The following MEI4 variants were observed in gnomAD, a reference collection of about 807,000 sequenced individuals.
MEI4 encodes the protein meiotic double-stranded break formation protein 4.
MEI4 carries 27 observed loss-of-function variants against 31.4 expected under a neutral mutation model. The observed-to-expected ratio is 0.86, with a 90% CI of 0.63 to 1.19. The LOEUF (loss-of-function observed/expected upper bound fraction) is 1.19. Ranked by LOEUF, MEI4 falls within the 50% of genes most tolerant of loss-of-function variation. The pLI, the probability that MEI4 is intolerant of heterozygous loss-of-function variation, is 0.00. For missense variants in MEI4, 329 were observed against 398.9 expected (o/e 0.82, Z 1.49); for synonymous variants, 122 against 145.4 (o/e 0.84, Z 1.16).
Position 77,923,109 on chromosome 6 carries a change from G to A in MEI4, c.921G>A (p.Val307=). The change falls in exon 5 of 5, where the codon GTG becomes GTA. Residue 307 remains valine (V), a synonymous_variant. Coordinates refer to ENST00000684080, the MANE Select transcript of MEI4 (RefSeq NM_001322247.2). ...TGTAGGAGCAAGCCAGTTATGATGT[G>A]TCACGCTATGAAAACATTTTCTACC... is the stretch of plus-strand genomic sequence containing the variant. ...AINQEQASYD[V]SRYENIFYLF... is the part of the protein sequence containing the mutation. 1 of 1,230,230 alleles carries A rather than the reference G, an allele frequency of 8.1e-7. No homozygotes were observed. The highest frequency in any genetic ancestry group is 1.0e-6 in the Non-Finnish European group (1 of 986,606). The allele number at this position is 1,230,230 out of a possible 1,614,324, so 76.2% of individuals were successfully genotyped here.
chr6:77,711,651 C>T (rs868170564), intron 2 of MEI4, among the ~76,000 whole-genome samples: 6 of 152,078 alleles, frequency 3.9e-5, no homozygotes, highest in Non-Finnish European at 7.4e-5. Context: ...TTGGGCTCTT[C>T]GAGGTAATCT....
intron 4 of MEI4, among the ~76,000 whole-genome samples, chr6:77,890,846 C>T (rs914476668): frequency 1.3e-5 from 2 of 152,128 alleles, no homozygotes; most frequent in African/African-American, 4.8e-5. Flanking sequence ...TTATAAGGGG[C>T]TTTTCCTCCT....
rs117100491 is a variant in MEI4, at chr6:77,792,435, G to C, written c.768+30770G>C. 5.1e-4 allele frequency among the ~76,000 whole-genome samples: 77 copies of C among 152,030 alleles called. No homozygotes were observed. In the East Asian group the frequency reaches 9.1e-3, roughly 18 times the overall value. On this transcript the variant is annotated intron_variant, in intron 3 of 4. Transcript: ENST00000684080. ...TACACTCACACCAGCAGTGTACAAGGGTTTCATTTTCTGCAAATTCTTGCC... is the reference window on the plus strand; with the variant it reads ...TACACTCACACCAGCAGTGTACAAGCGTTTCATTTTCTGCAAATTCTTGCC...
chr6:77,678,930 C>T (rs933270167), intron 1 of MEI4, among the ~76,000 whole-genome samples: 6 of 148,862 alleles, frequency 4.0e-5, no homozygotes, highest in Non-Finnish European at 7.4e-5. Flanking sequence ...TAGTTTTTAA[C>T]AAAAATGTTT....
chr6:77,843,026 T>C (rs1422114907), intron 4 of MEI4, among the ~76,000 whole-genome samples: 1 of 151,626 alleles, frequency 6.6e-6, no homozygotes, highest in Non-Finnish European at 1.5e-5. Flanking sequence ...ATATATAATC[T>C]ATTCCAAAAA....
In MEI4 at chr6:77,686,875, C is replaced by CTTTT. The variant is rs70974681; in HGVS notation, c.-14-3777_-14-3774dup. 7.7e-3 allele frequency among the ~76,000 whole-genome samples: 1,023 copies of CTTTT among 132,534 alleles called. 21 individuals are homozygous for CTTTT. Among genetic ancestry groups the CTTTT allele is most frequent in the African/African-American group, 0.025 (963 of 38,830 alleles). The allele number at this position is 132,534 out of a possible 152,430, so 86.9% of individuals were successfully genotyped here. On this transcript the variant is annotated intron_variant, in intron 1 of 4. Coordinates refer to ENST00000684080, the MANE Select transcript of MEI4 (RefSeq NM_001322247.2). ...TCTTGAATAGGAATGGTCTGTGGCTCTTTTTTTTTGTAGATGTTTCATCAG... is the reference window on the plus strand; with the variant it reads ...TCTTGAATAGGAATGGTCTGTGGCTCTTTTTTTTTTTTTGTAGATGTTTCATCAG...
chr6:77,707,281 G>A (rs1402508482), intron 2 of MEI4, among the ~76,000 whole-genome samples: 1 of 152,132 alleles, frequency 6.6e-6, no homozygotes. Context: ...CATGCCCTAC[G>A]GATCTGTGGA....
At chr6:77,762,036 C>G (rs1246733869) in intron 3 of MEI4, among the ~76,000 whole-genome samples, 1 of 152,198 alleles carries the variant, frequency 6.6e-6, no homozygotes, top group East Asian at 1.9e-4. Context: ...GTTTTCCAAA[C>G]TTAACGTCTG....
chr6:77,716,805 T>C (rs1176279509), intron 2 of MEI4: 3 of 856,994 alleles, frequency 3.5e-6, no homozygotes, highest in South Asian at 5.3e-5. Flanking sequence ...CATGTTGTCA[T>C]GTGGAAGTTG....
chr6:77,907,989 TG>T (rs1171180088), intron 4 of MEI4, among the ~76,000 whole-genome samples: 1 of 126,502 alleles, frequency 7.9e-6, no homozygotes, highest in Admixed American at 8.1e-5. Flanking sequence ...CACTTGTTGA[TG>T]GGGTTTTTTT....
At chr6:77,796,788 C>T (rs1769088986) in intron 3 of MEI4, among the ~76,000 whole-genome samples, 1 of 152,134 alleles carries the variant, frequency 6.6e-6, no homozygotes, top group South Asian at 2.1e-4. Context: ...GATTCAGTGC[C>T]ATCCACATTA....
chr6:77,763,821 CT>C (rs910699700), intron 3 of MEI4, among the ~76,000 whole-genome samples: 17 of 149,274 alleles, frequency 1.1e-4, no homozygotes, highest in African/African-American at 7.3e-5. Flanking sequence ...TGTTGGGAGA[CT>C]TTTTTTTTTC....
intron 3 of MEI4, among the ~76,000 whole-genome samples, chr6:77,788,054 T>G (rs963230685): frequency 6.6e-6 from 1 of 152,182 alleles, no homozygotes; most frequent in Admixed American, 6.5e-5. Context: ...TTCTATTGAT[T>G]GGAATAGTTT....
Position 77,841,333 on chromosome 6 carries a change from A to ATATATATATTTTTTT in MEI4, c.900+12272_900+12273insATATATATTTTTTTT. Reference sequence around the variant, plus strand: ...TGTGTGCATATATATATATATATATATTTTTTTTTTTTTTTTTTTTTTTGA... The same window carrying ATATATATATTTTTTT: ...TGTGTGCATATATATATATATATATATATATATATTTTTTTTTTTTTTTTTTTTTTTTTTTTTTGA... On this transcript the variant is annotated intron_variant, in intron 4 of 4. Coordinates refer to ENST00000684080, the MANE Select transcript of MEI4 (RefSeq NM_001322247.2). Among the ~76,000 whole-genome samples, 95 of 27,734 alleles carry ATATATATATTTTTTT rather than the reference A, an allele frequency of 3.4e-3. 8 individuals are homozygous for ATATATATATTTTTTT. Among genetic ancestry groups the ATATATATATTTTTTT allele is most frequent in the African/African-American group, 4.9e-3 (15 of 3,074 alleles). 18.2% of individuals were successfully genotyped at this position (27,734 alleles called of 152,430 possible).
chr6:77,749,902 C>G (rs996539517), intron 2 of MEI4, among the ~76,000 whole-genome samples: 1 of 152,158 alleles, frequency 6.6e-6, no homozygotes, highest in East Asian at 1.9e-4. Context: ...AGAAGCCCAC[C>G]AGACTAACAG....
chr6:77,686,942 T>C (rs1330179919), intron 1 of MEI4, among the ~76,000 whole-genome samples: 2 of 146,730 alleles, frequency 1.4e-5, no homozygotes, highest in Non-Finnish European at 3.0e-5. Context: ...GAAGTTATAA[T>C]ATAAATATAA....
At chr6:77,668,825 C>A (rs1562198852) in intron 1 of MEI4, among the ~76,000 whole-genome samples, 1 of 152,158 alleles carries the variant, frequency 6.6e-6, no homozygotes, top group African/African-American at 2.4e-5. Flanking sequence ...CCATAACTTT[C>A]TAAGAGCAAT....
At chr6:77,783,134 A>T (rs915392473) in intron 3 of MEI4, among the ~76,000 whole-genome samples, 1 of 152,162 alleles carries the variant, frequency 6.6e-6, no homozygotes, top group Non-Finnish European at 1.5e-5. Context: ...AGTGATGACT[A>T]TTTGAAAAAT....
At position 77,690,663 on chromosome 6, in the gene MEI4, A is replaced by G. The variant is rs1441982731; in HGVS notation, c.-9A>G. 1 of 1,225,828 alleles carries G rather than the reference A, an allele frequency of 8.2e-7. No homozygotes were observed. The highest frequency in any genetic ancestry group is 1.6e-5 in the African/African-American group (1 of 64,260). The allele number at this position is 1,225,828 out of a possible 1,614,324, so 75.9% of individuals were successfully genotyped here. On this transcript the variant is annotated 5_prime_UTR_variant, in exon 2 of 5. Transcript: ENST00000684080. ...TTTTTCTTATTAAATGATAGGGACA[A>G]AAGCCAGGATGGATGTTCAAAAATG... is the stretch of plus-strand genomic sequence containing the variant.
Sources: allele counts gnomAD v4.1 joint callset (sites outside exome capture counted in the v4.1 genomes callset), GRCh38; gene constraint gnomAD v4.1.1; transcripts MANE v1.5; gene names NCBI Gene and HGNC (gene_info 2026-07-23, HGNC 2026-07-21).